C10orf90: variants seen among roughly 807,000 people sequenced by gnomAD.
C10orf90 encodes (E2-independent) E3 ubiquitin-conjugating enzyme FATS.
C10orf90 carries 56 observed loss-of-function variants against 62.5 expected under a neutral mutation model. The ratio of observed to expected loss-of-function variants is 0.90; its 90% CI spans 0.72 to 1.12. C10orf90 has a LOEUF of 1.12. C10orf90 is among the 50% of genes most tolerant of loss of function. The pLI is 0.00. For synonymous variants in C10orf90, 386 were observed against 340.4 expected (o/e 1.13, Z -1.47); for missense variants, 970 against 880.4 (o/e 1.10, Z -1.29).
chr10:126,654,018 A>G (rs1014826686), intron 1 of C10orf90, among the ~76,000 whole-genome samples: 5 of 152,200 alleles, frequency 3.3e-5, no homozygotes, highest in African/African-American at 7.2e-5. Context: ...AAAATAGTCA[A>G]TAAACCATGC....
chr10:126,615,350 T>A (rs776963604), intron 2 of C10orf90, among the ~76,000 whole-genome samples: 1 of 152,166 alleles, frequency 6.6e-6, no homozygotes, highest in Non-Finnish European at 1.5e-5. Flanking sequence ...AGATGTGAGG[T>A]CTTGGATACC....
chr10:126,650,908 A>G (rs1393545519), intron 1 of C10orf90, among the ~76,000 whole-genome samples: 1 of 152,070 alleles, frequency 6.6e-6, no homozygotes, highest in East Asian at 1.9e-4. Context: ...CTGCCACTTC[A>G]CAGGTACAAT....
chr10:126,433,721 CAAAACAAAACG>C (rs1857731618), intron 7 of C10orf90, among the ~76,000 whole-genome samples: 1 of 151,792 alleles, frequency 6.6e-6, no homozygotes. Flanking sequence ...GAAAACAAAA[CAAAACAAAACG>C]AAAACAAAAC....
At chr10:126,482,190 T>C (rs191161273) in intron 4 of C10orf90, among the ~76,000 whole-genome samples, 7 of 152,334 alleles carry the variant, frequency 4.6e-5, no homozygotes, top group Non-Finnish European at 7.4e-5. Context: ...AAATGTGCTA[T>C]GCTTTTGTCT....
intron 2 of C10orf90, among the ~76,000 whole-genome samples, chr10:126,546,883 G>C (rs990530883): frequency 6.6e-6 from 1 of 152,230 alleles, no homozygotes; most frequent in African/African-American, 2.4e-5. Context: ...CCAGCACTCT[G>C]GGAGGCCAAG....
At chr10:126,541,123 A>G (rs1226011230) in intron 2 of C10orf90, among the ~76,000 whole-genome samples, 1 of 152,180 alleles carries the variant, frequency 6.6e-6, no homozygotes. Flanking sequence ...TTATATGACA[A>G]ATGTATTACA....
At chr10:126,467,955 G>A (rs1047906895) in intron 4 of C10orf90, among the ~76,000 whole-genome samples, 1 of 152,138 alleles carries the variant, frequency 6.6e-6, no homozygotes. Flanking sequence ...CTACGAGACA[G>A]GACCACTCAC....
intron 2 of C10orf90, among the ~76,000 whole-genome samples, 155 bp downstream of exon 2, chr10:126,646,410 A>G (rs1846172113): frequency 6.6e-6 from 1 of 152,182 alleles, no homozygotes; most frequent in South Asian, 2.1e-4. Flanking sequence ...AATCAGCTTC[A>G]AATCTTGGCA....
At chr10:126,439,919 C>T (rs983505709) in intron 7 of C10orf90, among the ~76,000 whole-genome samples, 1 of 152,096 alleles carries the variant, frequency 6.6e-6, no homozygotes, top group African/African-American at 2.4e-5. Flanking sequence ...TCACTGAGTC[C>T]CCAAGCAGGC....
chr10:126,504,222 T>G lies in C10orf90; in HGVS notation c.1269A>C (p.Gly423=). 1.2e-6 allele frequency: 2 copies of G among 1,614,180 alleles called. No individual in the cohort carries two copies. Among genetic ancestry groups the G allele is most frequent in the East Asian group, 4.5e-5 (2 of 44,864 alleles). The change falls in exon 4 of 10, where the codon GGA becomes GGC. Residue 423 remains glycine (G), a synonymous_variant. Coordinates refer to ENST00000488181, the MANE Select transcript of C10orf90 (RefSeq NM_001350921.2). This position sits in a 1 kb window ranked among gnomAD's most constrained non-coding sequence, Gnocchi z 4.1. ...SEALKQELLE[G]DQDLVGQRWN... is the part of the protein sequence containing the mutation. ...AGCGCTGGCCTACGAGGTCCTGGTC[T>G]CCCTCCAGGAGCTCCTGCTTCAGGG...
At chr10:126,517,208 A>G (rs1231188432) in intron 2 of C10orf90, among the ~76,000 whole-genome samples, 2 of 152,340 alleles carry the variant, frequency 1.3e-5, no homozygotes, top group East Asian at 3.9e-4. Flanking sequence ...TATAAAGTCT[A>G]CATAGCAACA....
At chr10:126,531,165 C>T (rs948827527) in intron 2 of C10orf90, among the ~76,000 whole-genome samples, 4 of 148,892 alleles carry the variant, frequency 2.7e-5, no homozygotes, top group Non-Finnish European at 4.4e-5. Context: ...AAGAGTGAGA[C>T]TCCATCTGAA....
chr10:126,521,363 T>A lies in C10orf90; in HGVS notation c.314-7424A>T, dbSNP rs200324953. On this transcript the variant is annotated intron_variant, in intron 2 of 9. Coordinates refer to ENST00000488181, the MANE Select transcript of C10orf90 (RefSeq NM_001350921.2). ...AAGCCATTTTACTCAGTTTCAAAGG[T>A]CTTTTAATGACAAGGATGTATTTGG... 7.1e-5 allele frequency: 115 copies of A among 1,613,408 alleles called. 1 individual carries two copies. The East Asian group carries it at 2.3e-3, about 33-fold the overall frequency.
chr10:126,461,592 GAGA>G lies in C10orf90; in HGVS notation c.1826-10_1826-8del. 6.2e-7 allele frequency: 1 copy of G among 1,610,590 alleles called. No homozygotes were observed. The highest frequency in any genetic ancestry group is 8.5e-7 in the Non-Finnish European group (1 of 1,179,016). On this transcript the variant is annotated splice_region_variant and splice_polypyrimidine_tract_variant and intron_variant, in intron 5 of 9. Coordinates refer to ENST00000488181, the MANE Select transcript of C10orf90 (RefSeq NM_001350921.2). ...TCACAGCATGTGTAATCTCCTAGGA[GAGA>G]AGATTTAGAATCCCATTTAGAGGGC...
intron 1 of C10orf90, among the ~76,000 whole-genome samples, chr10:126,653,872 T>A (rs1846339331): frequency 6.6e-6 from 1 of 152,226 alleles, no homozygotes; most frequent in Non-Finnish European, 1.5e-5. Context: ...GGATGTTGTG[T>A]TAGGCATGAA....
chr10:126,455,140 C>A (rs559179687), intron 7 of C10orf90, among the ~76,000 whole-genome samples: 1 of 152,260 alleles, frequency 6.6e-6, no homozygotes, highest in East Asian at 1.9e-4. Context: ...GCTACACTAC[C>A]AGCTCCCAGC....
chr10:126,605,377 G>A (rs72839067), intron 2 of C10orf90, among the ~76,000 whole-genome samples: 6,519 of 152,266 alleles, frequency 0.043, 158 homozygotes, highest in Non-Finnish European at 0.054. Flanking sequence ...GAGCAGGCAG[G>A]GGCCAAAGCC....
chr10:126,665,140 T>C (rs547755775), intron 1 of C10orf90, among the ~76,000 whole-genome samples: 83 of 152,298 alleles, frequency 5.4e-4, no homozygotes, highest in African/African-American at 1.9e-3. Flanking sequence ...AAGTCTTTAT[T>C]GCCCTTTGTG....
At chr10:126,566,876 G>A (rs537276205) in intron 2 of C10orf90, among the ~76,000 whole-genome samples, 25 of 152,288 alleles carry the variant, frequency 1.6e-4, no homozygotes, top group African/African-American at 5.8e-4. Flanking sequence ...GAAGACAGGT[G>A]GGGGAGGGAC....
Sources: gnomAD v4.1 joint callset for allele counts (sites outside exome capture counted in the v4.1 genomes callset) on GRCh38, gnomAD v4.1.1 for gene constraint, Gnocchi (gnomAD v3.1) non-coding constraint, MANE v1.5 for transcripts, NCBI Gene and HGNC (gene_info 2026-07-23, HGNC 2026-07-21) for gene names.